The following EPC1 variants were observed in gnomAD, a reference collection of about 807,000 sequenced individuals.
EPC1 encodes enhancer of polycomb 1, also known as enhancer of polycomb homolog 1.
A neutral mutation model predicts 98.4 loss-of-function variants in EPC1; 12 were observed. The observed-to-expected ratio is 0.12, with a 90% CI of 0.08 to 0.20. EPC1 has a LOEUF of 0.20. EPC1 is among the 10% of genes least tolerant of loss of function. The pLI, the probability that EPC1 is intolerant of heterozygous loss-of-function variation, is 1.00. For missense variants in EPC1, 729 were observed against 990.5 expected, an observed-to-expected ratio of 0.74 and a Z score of 3.54; for synonymous variants, 357 against 363.9, an observed-to-expected ratio of 0.98 and a Z score of 0.21.
At chr10:32,283,324 CT>C (rs1329817119) in intron 10 of EPC1, 8 of 106,634 alleles carry the variant, frequency 7.5e-5, no homozygotes, top group Non-Finnish European at 1.5e-4. Context: ...TTATGAATTT[CT>C]TTTTTTTTTG....
At chr10:32,324,474 G>A (rs1283329758) in intron 1 of EPC1, among the ~76,000 whole-genome samples, 2 of 150,608 alleles carry the variant, frequency 1.3e-5, no homozygotes, top group East Asian at 2.0e-4. Flanking sequence ...AGGCTGCAGT[G>A]AGCCGAGATT....
upstream of EPC1, chr10:32,347,171 C>T: frequency 7.4e-7 from 1 of 1,354,756 alleles, no homozygotes; most frequent in Non-Finnish European, 9.5e-7. Context: ...GCTCTTCAGC[C>T]AACCCCAGCC....
intron 1 of EPC1, among the ~76,000 whole-genome samples, chr10:32,327,547 G>A (rs1484426663): frequency 6.6e-6 from 1 of 152,186 alleles, no homozygotes; most frequent in Non-Finnish European, 1.5e-5. Flanking sequence ...CACATGTATA[G>A]AACATTACTC....
chr10:32,351,147 C>T (rs981631083), upstream of EPC1, among the ~76,000 whole-genome samples: 2 of 152,162 alleles, frequency 1.3e-5, no homozygotes, highest in Non-Finnish European at 2.9e-5. Flanking sequence ...GTCACCAAGT[C>T]AGTGTGCCAA....
chr10:32,274,847 GC>G (rs1441939174), intron 10 of EPC1, among the ~76,000 whole-genome samples: 1 of 151,992 alleles, frequency 6.6e-6, no homozygotes, highest in Non-Finnish European at 1.5e-5. Context: ...AAAAGTCAAT[GC>G]TGCCCTCAAA....
chr10:32,348,303 G>A (rs1838990587), upstream of EPC1, among the ~76,000 whole-genome samples: 1 of 152,100 alleles, frequency 6.6e-6, no homozygotes, highest in Non-Finnish European at 1.5e-5. Flanking sequence ...GTTGGGGTGG[G>A]TTTAATAAAT....
intron 9 of EPC1, chr10:32,285,826 T>C (rs534953877): frequency 1.5e-4 from 23 of 152,282 alleles, no homozygotes; most frequent in African/African-American, 5.3e-4. Context: ...GTCAAAATAA[T>C]AACATTGATT....
At chr10:32,292,919 T>C (rs975811450) in intron 4 of EPC1, 69 bp downstream of exon 4, 5 of 1,040,604 alleles carry the variant, frequency 4.8e-6, no homozygotes, top group East Asian at 2.7e-5. Flanking sequence ...AACCACAGTA[T>C]TGAGACAGTC....
At chr10:32,290,144 T>C (rs1221758363) in intron 6 of EPC1, among the ~76,000 whole-genome samples, 2 of 151,990 alleles carry the variant, frequency 1.3e-5, no homozygotes, top group Non-Finnish European at 2.9e-5. Flanking sequence ...TATTAAGATA[T>C]CAAAATTCCC....
At chr10:32,284,642 G>C (rs2132692393) in intron 10 of EPC1, 56 bp downstream of exon 10, 15 of 1,390,710 alleles carry the variant, frequency 1.1e-5, no homozygotes, top group Non-Finnish European at 1.4e-5. Flanking sequence ...GAACAAATGG[G>C]AAATGGTTGG....
In EPC1 at chr10:32,291,210, A is replaced by C; in HGVS notation, c.928T>G (p.Phe310Val). Residue 310 changes from phenylalanine to valine, a missense_variant, in exon 6 of 14, where the codon TTT becomes GTT. Transcript: ENST00000319778. The stretch of plus-strand genomic sequence containing the variant: ...ACATCCATTGCTTCCTGGTGTTTAA[A>C]TTGACTGCTATTAGTAATAGGGATG... ...PIIPITNSSQ[F>V]KHQEAMDVKE... 1.9e-6 allele frequency: 3 copies of C among 1,614,028 alleles called. No homozygotes were observed. Among genetic ancestry groups the C allele is most frequent in the Non-Finnish European group, 2.5e-6 (3 of 1,179,918 alleles).
intron 2 of EPC1, among the ~76,000 whole-genome samples, chr10:32,297,902 A>G (rs1201499845): frequency 1.3e-5 from 2 of 152,012 alleles, no homozygotes; most frequent in Admixed American, 1.3e-4. Context: ...GATTAACACC[A>G]TTCTCCTGCC....
intron 2 of EPC1, among the ~76,000 whole-genome samples, chr10:32,295,973 G>A (rs1012458925): frequency 5.9e-5 from 9 of 151,768 alleles, no homozygotes; most frequent in Non-Finnish European, 1.0e-4. Flanking sequence ...ACCCAGGCTG[G>A]AGTGCAGTGG....
chr10:32,333,644 T>C (rs903163903), intron 1 of EPC1, among the ~76,000 whole-genome samples: 6 of 152,150 alleles, frequency 3.9e-5, no homozygotes, highest in African/African-American at 1.2e-4. Context: ...GGAGTAACTA[T>C]AAAATCTTCT....
Position 32,347,096 on chromosome 10 carries a change from CCT to C in EPC1, c.-183_-182del, listed in dbSNP as rs1838896571. 7 of 1,442,338 alleles carry C rather than the reference CCT, an allele frequency of 4.9e-6. No individual in the cohort carries two copies. Among genetic ancestry groups the C allele is most frequent in the Middle Eastern group, 2.5e-4 (1 of 3,932 alleles). 89.3% of individuals were successfully genotyped at this position (1,442,338 alleles called of 1,614,324 possible). On this transcript the variant is annotated 5_prime_UTR_variant, in exon 1 of 14. Coordinates refer to ENST00000319778, the MANE Select transcript of EPC1 (RefSeq NM_001272004.3). ...GGGTGGGAGGCTGTGCCGCTCCGCT[CCT>C]CTCTCGCTCGCTCTCTTCAATACGC...
At chr10:32,325,123 T>G (rs1216544001) in intron 1 of EPC1, among the ~76,000 whole-genome samples, 1 of 152,194 alleles carries the variant, frequency 6.6e-6, no homozygotes, top group African/African-American at 2.4e-5. Context: ...CTGTAGAACT[T>G]AAGGACGTTT....
chr10:32,369,377 C>G (rs906415477), intron 1 of EPC1, among the ~76,000 whole-genome samples: 4 of 152,110 alleles, frequency 2.6e-5, no homozygotes, highest in African/African-American at 4.8e-5. Flanking sequence ...ATATCTAAGA[C>G]AAGTAGGCCT....
In EPC1 at chr10:32,353,453, A is replaced by G. The variant is rs150334712; in HGVS notation, c.3+25038T>C. 4.1e-3 allele frequency among the ~76,000 whole-genome samples: 618 copies of G among 152,318 alleles called. 7 individuals are homozygous for G. Among genetic ancestry groups the G allele is most frequent in the African/African-American group, 0.014 (587 of 41,578 alleles). On this transcript the variant is annotated intron_variant, in intron 1 of 13. Coordinates refer to the EPC1 transcript ENST00000375110. ...GGAAAGAATGACAGCCAGAATGGACAGTGATGCAAAGAGTTAAACTCTCTT... is the reference window on the plus strand; with the variant it reads ...GGAAAGAATGACAGCCAGAATGGACGGTGATGCAAAGAGTTAAACTCTCTT...
At chr10:32,346,524 C>A (rs1211145727) in intron 1 of EPC1, 11 of 522,584 alleles carry the variant, frequency 2.1e-5, no homozygotes, top group African/African-American at 2.0e-4. Flanking sequence ...CCCCCGAACT[C>A]CGCGGGACCC....
Sources: gnomAD v4.1 joint callset for allele counts (sites outside exome capture counted in the v4.1 genomes callset) on GRCh38, gnomAD v4.1.1 for gene constraint, MANE v1.5 for transcripts, NCBI Gene and HGNC (gene_info 2026-07-23, HGNC 2026-07-21) for gene names.